OPCML: variants seen among roughly 807,000 people sequenced by gnomAD.
The protein encoded by OPCML is opioid binding protein/cell adhesion molecule like, also known as opioid-binding protein/cell adhesion molecule.
A neutral mutation model predicts 37.8 loss-of-function variants in OPCML; 13 were observed. The observed-to-expected ratio is 0.34, with a 90% CI of 0.22 to 0.55. The LOEUF is 0.55. OPCML is among the 20% of genes least tolerant of loss of function. The pLI is 0.91. For missense variants in OPCML, 341 were observed against 435.6 expected, an observed-to-expected ratio of 0.78 and a Z score of 1.93; for synonymous variants, 176 against 168.8, an observed-to-expected ratio of 1.04 and a Z score of -0.33.
intron 3 of OPCML, among the ~76,000 whole-genome samples, chr11:132,600,644 C>T (rs536256731): frequency 6.6e-6 from 1 of 152,058 alleles, no homozygotes. Context: ...AATTGGGGAC[C>T]AAAAGCTATT....
intron 1 of OPCML, among the ~76,000 whole-genome samples, chr11:133,252,688 C>A (rs1941173690): frequency 6.6e-6 from 1 of 152,224 alleles, no homozygotes; most frequent in Admixed American, 6.5e-5. Context: ...TTTCTCTGTG[C>A]TCCCAGTTAG....
At chr11:132,637,494 G>A (rs1349773464) in intron 3 of OPCML, among the ~76,000 whole-genome samples, 1 of 152,114 alleles carries the variant, frequency 6.6e-6, no homozygotes. Context: ...CATAGTCTAA[G>A]TTTCCCTTGT....
intron 4 of OPCML, among the ~76,000 whole-genome samples, chr11:132,522,256 CAAAT>C (rs2096295756): frequency 6.6e-6 from 1 of 152,106 alleles, no homozygotes; most frequent in African/African-American, 2.4e-5. Context: ...TTGCCTATCA[CAAAT>C]AAAACTGCTA....
chr11:132,702,042 A>G (rs1483716725), intron 2 of OPCML, among the ~76,000 whole-genome samples: 2 of 152,172 alleles, frequency 1.3e-5, no homozygotes, highest in African/African-American at 4.8e-5. Context: ...TATGGCTATA[A>G]TTATTTTTAA....
chr11:133,266,036 A>C (rs1941647884), intron 1 of OPCML, among the ~76,000 whole-genome samples: 1 of 152,196 alleles, frequency 6.6e-6, no homozygotes. Flanking sequence ...TCAAAATAGC[A>C]ATTTGATAGC....
intron 3 of OPCML, among the ~76,000 whole-genome samples, chr11:132,637,580 C>T (rs1234996474): frequency 6.6e-6 from 1 of 152,138 alleles, no homozygotes. Context: ...CTTCCTAGTA[C>T]TTCTAGACTG....
intron 1 of OPCML, among the ~76,000 whole-genome samples, chr11:133,441,033 T>C (rs1010771978): frequency 1.3e-5 from 2 of 151,592 alleles, no homozygotes; most frequent in Non-Finnish European, 1.5e-5. Context: ...GTTTTACAGA[T>C]AAATTATTAG....
chr11:133,421,198 G>A lies in OPCML; in HGVS notation c.61+111066C>T, dbSNP rs1000485755. The A allele has an allele frequency of 4.1e-6, 4 of 985,288 alleles. No homozygotes were observed. In the African/African-American group the frequency reaches 5.2e-5, roughly 13 times the overall value. The allele number at this position is 985,288 out of a possible 1,614,324, so 61.0% of individuals were successfully genotyped here. ...ATAATGATAGCTCTCAGTTGCAAGG[G>A]AAAGAGCAATGCGTTCCAAGAAGCA... On this transcript the variant is annotated intron_variant, in intron 1 of 7. Transcript: ENST00000524381.
rs758420010 is a variant in OPCML, at chr11:133,141,027, C to T, written c.62-198017G>A. On this transcript the variant is annotated intron_variant, in intron 1 of 7. Transcript: ENST00000524381. ...ACGACGACGACGACGACGACGACGA[C>T]GACGACGACGACGACGACGACGAAG... is the stretch of plus-strand genomic sequence containing the variant. 6.7e-4 allele frequency among the ~76,000 whole-genome samples: 5 copies of T among 7,452 alleles called. 1 individual carries two copies. Among genetic ancestry groups the T allele is most frequent in the African/African-American group, 1.4e-3 (5 of 3,614 alleles). The allele number at this position is 7,452 out of a possible 152,430, so 4.9% of individuals were successfully genotyped here. A position where few individuals can be genotyped will look rare whatever the true frequency, so the allele number is the denominator to read the frequency against.
At chr11:132,505,291 C>T (rs761959883) in intron 4 of OPCML, among the ~76,000 whole-genome samples, 3 of 152,114 alleles carry the variant, frequency 2.0e-5, no homozygotes, top group Non-Finnish European at 4.4e-5. Flanking sequence ...TCCAGGAAGA[C>T]CGTGCTTTAA....
At chr11:133,016,333 T>C (rs1947335223) in intron 1 of OPCML, among the ~76,000 whole-genome samples, 1 of 152,124 alleles carries the variant, frequency 6.6e-6, no homozygotes, top group Non-Finnish European at 1.5e-5. Flanking sequence ...TTCACTTCCT[T>C]GGAGTTGTGG....
chr11:133,516,745 C>A (rs188804408), intron 1 of OPCML, among the ~76,000 whole-genome samples: 1 of 152,140 alleles, frequency 6.6e-6, no homozygotes, highest in African/African-American at 2.4e-5. Flanking sequence ...TGGAGAGTTA[C>A]GAGCCACGGG....
chr11:132,693,910 G>A (rs1421124064), intron 2 of OPCML, among the ~76,000 whole-genome samples: 3 of 152,074 alleles, frequency 2.0e-5, no homozygotes, highest in African/African-American at 7.2e-5. Flanking sequence ...ATGAAAATAG[G>A]AGTTATGTGA....
intron 3 of OPCML, among the ~76,000 whole-genome samples, chr11:132,629,128 T>C (rs1939928957): frequency 6.6e-6 from 1 of 152,068 alleles, no homozygotes; most frequent in Non-Finnish European, 1.5e-5. Context: ...AGTAACACTT[T>C]CCTCTCACTT....
At chr11:133,015,337 A>AAGGG (rs367924216) in intron 1 of OPCML, among the ~76,000 whole-genome samples, 3 of 142,060 alleles carry the variant, frequency 2.1e-5, no homozygotes, top group South Asian at 2.6e-4. Flanking sequence ...AAAAAGAAGG[A>AAGGG]AGGGAGGGAG....
At chr11:132,717,911 T>G (rs1394784406) in intron 2 of OPCML, among the ~76,000 whole-genome samples, 1 of 152,218 alleles carries the variant, frequency 6.6e-6, no homozygotes, top group African/African-American at 2.4e-5. Flanking sequence ...CTTCAATCCG[T>G]CAAGTTTACA....
Position 133,173,072 on chromosome 11 carries a change from G to T in OPCML, c.62-230062C>A, listed in dbSNP as rs1950309426. On this transcript the variant is annotated intron_variant, in intron 1 of 7. Transcript: ENST00000524381. The surrounding 1 kb of genome is among the most constrained non-coding windows in gnomAD (Gnocchi z 7.8). ...CAATTCTGAACCAAAGTTATTATTA[G>T]TGAACTTAATCTTCCACTTTACGTT... Among the ~76,000 whole-genome samples, 1 of 152,154 alleles carries T rather than the reference G, an allele frequency of 6.6e-6. No individual in the cohort carries two copies. Among genetic ancestry groups the T allele is most frequent in the African/African-American group, 2.4e-5 (1 of 41,432 alleles).
chr11:132,912,916 A>G (rs570891770), intron 2 of OPCML, among the ~76,000 whole-genome samples: 35 of 152,338 alleles, frequency 2.3e-4, no homozygotes, highest in Non-Finnish European at 4.7e-4. Flanking sequence ...ACTTTTCACC[A>G]TATATCAAAT....
chr11:132,444,662 C>T (rs1319108991), intron 4 of OPCML, among the ~76,000 whole-genome samples: 1 of 152,140 alleles, frequency 6.6e-6, no homozygotes, highest in African/African-American at 2.4e-5. Context: ...AACTCCCCCT[C>T]TCCCTCTCCT....
Sources: allele counts gnomAD v4.1 joint callset (sites outside exome capture counted in the v4.1 genomes callset), GRCh38; gene constraint gnomAD v4.1.1; non-coding constraint Gnocchi (gnomAD v3.1); transcripts MANE v1.5; gene names NCBI Gene and HGNC (gene_info 2026-07-23, HGNC 2026-07-21).